TMEM108: variants seen among roughly 807,000 people sequenced by gnomAD.
TMEM108 encodes the protein transmembrane protein 108.
A neutral mutation model predicts 35.1 loss-of-function variants in TMEM108; 12 were observed. The observed-to-expected ratio is 0.34, with a 90% CI of 0.22 to 0.55. The LOEUF (loss-of-function observed/expected upper bound fraction) is 0.55, where lower values mean the gene tolerates loss of function less well. TMEM108 is among the 20% of genes least tolerant of loss of function. The probability of loss-of-function intolerance (pLI) is 0.89; values close to 1 mark genes in which losing one functional copy is unlikely to be tolerated. For missense variants in TMEM108, 680 were observed against 753.3 expected, an observed-to-expected ratio of 0.90 and a Z score of 1.14; for synonymous variants, 287 against 308.6, an observed-to-expected ratio of 0.93 and a Z score of 0.73.
chr3:133,054,449 T>C (rs955388387), intron 2 of TMEM108, among the ~76,000 whole-genome samples: 2 of 152,244 alleles, frequency 1.3e-5, no homozygotes, highest in Admixed American at 6.5e-5. Flanking sequence ...TTTCTAAATG[T>C]TGAAAGACAT....
chr3:133,142,133 G>C (rs548078553), intron 2 of TMEM108, among the ~76,000 whole-genome samples: 1 of 152,140 alleles, frequency 6.6e-6, no homozygotes, highest in Non-Finnish European at 1.5e-5. Context: ...ATTGTCCCCA[G>C]TTAAGAACGG....
chr3:133,265,221 A>T (rs1946680974), intron 3 of TMEM108, among the ~76,000 whole-genome samples: 2 of 152,162 alleles, frequency 1.3e-5, no homozygotes, highest in South Asian at 4.1e-4. Context: ...TCCTTTGGTT[A>T]TGTGTTCTAT....
At chr3:133,066,028 T>G (rs1002639581) in intron 2 of TMEM108, among the ~76,000 whole-genome samples, 23 of 152,226 alleles carry the variant, frequency 1.5e-4, no homozygotes, top group Middle Eastern at 3.2e-3. Flanking sequence ...TTTTGAGGAT[T>G]TTATTGTCAT....
At chr3:133,044,262 G>A (rs1481508606) in intron 1 of TMEM108, among the ~76,000 whole-genome samples, 2 of 152,074 alleles carry the variant, frequency 1.3e-5, no homozygotes, top group African/African-American at 4.8e-5. Flanking sequence ...AGATTTTGGG[G>A]GCATGATTGA....
chr3:133,044,640 C>G (rs1349099891), intron 1 of TMEM108, among the ~76,000 whole-genome samples: 5 of 152,152 alleles, frequency 3.3e-5, no homozygotes, highest in Admixed American at 3.3e-4. Context: ...ATCAAGATGC[C>G]TTGAGGATGC....
At chr3:133,041,362 A>G (rs570643647) in intron 1 of TMEM108, among the ~76,000 whole-genome samples, 6 of 152,192 alleles carry the variant, frequency 3.9e-5, no homozygotes, top group African/African-American at 1.4e-4. Flanking sequence ...CACTTGGCTC[A>G]TGTCACCCCC....
At chr3:133,087,752 C>T (rs1375316689) in intron 2 of TMEM108, among the ~76,000 whole-genome samples, 1 of 152,148 alleles carries the variant, frequency 6.6e-6, no homozygotes, top group East Asian at 1.9e-4. Context: ...CTGTGGCCAT[C>T]TTTCTTCCCT....
chr3:133,083,867 G>A (rs954995250), intron 2 of TMEM108, among the ~76,000 whole-genome samples: 1 of 137,814 alleles, frequency 7.3e-6, no homozygotes, highest in Non-Finnish European at 1.7e-5. Flanking sequence ...GGCTAGTCCT[G>A]AGATAAAGTA....
chr3:133,056,153 T>C (rs968858623), intron 2 of TMEM108, among the ~76,000 whole-genome samples: 1 of 152,214 alleles, frequency 6.6e-6, no homozygotes, highest in Non-Finnish European at 1.5e-5. Flanking sequence ...GGTTCCCACC[T>C]GGCTGCAGGA....
At position 133,192,304 on chromosome 3, in the gene TMEM108, T is replaced by C. The variant is rs561590925; in HGVS notation, c.-46-36962T>C. Among the ~76,000 whole-genome samples the C allele has an allele frequency of 4.6e-5, 7 of 152,262 alleles. No homozygotes were observed. In the East Asian group the frequency reaches 1.3e-3, roughly 29 times the overall value. The stretch of plus-strand genomic sequence containing the variant: ...GTTTACTCCTCTTATTTTGGACACA[T>C]TGAGTAGGAGATTTGAGCAGTACTT... On this transcript the variant is annotated intron_variant, in intron 2 of 5. Transcript: ENST00000321871.
chr3:133,254,777 G>A (rs1946522048), intron 3 of TMEM108, among the ~76,000 whole-genome samples: 1 of 152,182 alleles, frequency 6.6e-6, no homozygotes, highest in Admixed American at 6.5e-5. Flanking sequence ...TGCTCATGGA[G>A]TCTGTGGGTC....
chr3:133,105,773 G>C (rs2107719357), intron 2 of TMEM108, among the ~76,000 whole-genome samples: 1 of 152,298 alleles, frequency 6.6e-6, no homozygotes, highest in South Asian at 2.1e-4. Flanking sequence ...TAGAACTTCA[G>C]TTTTTGAACC....
At chr3:133,282,295 A>G (rs1429553523) in intron 3 of TMEM108, among the ~76,000 whole-genome samples, 1 of 152,202 alleles carries the variant, frequency 6.6e-6, no homozygotes, top group Non-Finnish European at 1.5e-5. Context: ...TTGAGGTAAG[A>G]GAGTAATTAA....
At chr3:133,327,766 G>A (rs1041404840) in intron 3 of TMEM108, among the ~76,000 whole-genome samples, 9 of 151,986 alleles carry the variant, frequency 5.9e-5, no homozygotes, top group South Asian at 2.1e-4. Context: ...GTGGATGGGC[G>A]GCAGGGTCAA....
At chr3:133,097,460 G>T (rs1944029201) in intron 2 of TMEM108, among the ~76,000 whole-genome samples, 1 of 152,140 alleles carries the variant, frequency 6.6e-6, no homozygotes, top group Admixed American at 6.6e-5. Context: ...CCCAACCTGG[G>T]CACGTTTCCC....
At chr3:133,263,387 C>T (rs757922789) in intron 3 of TMEM108, among the ~76,000 whole-genome samples, 8 of 152,134 alleles carry the variant, frequency 5.3e-5, no homozygotes, top group Non-Finnish European at 8.8e-5. Flanking sequence ...CTGTTTGCTA[C>T]GTTTCTATTC....
At chr3:133,228,566 T>C (rs1010569343) in intron 2 of TMEM108, among the ~76,000 whole-genome samples, 2 of 152,072 alleles carry the variant, frequency 1.3e-5, no homozygotes, top group Non-Finnish European at 1.5e-5. Context: ...AATTGTAAAG[T>C]AATAGTAATA....
At chr3:133,370,283 C>G (rs2072620814) in intron 3 of TMEM108, among the ~76,000 whole-genome samples, 1 of 152,124 alleles carries the variant, frequency 6.6e-6, no homozygotes, top group Non-Finnish European at 1.5e-5. Flanking sequence ...GCTTCTGACC[C>G]TTTGCAGTTT....
intron 2 of TMEM108, among the ~76,000 whole-genome samples, chr3:133,168,022 T>C (rs1224144834): frequency 6.6e-6 from 1 of 152,194 alleles, no homozygotes; most frequent in Non-Finnish European, 1.5e-5. Flanking sequence ...TTTGGTATCT[T>C]AGTGCCACAG....
Sources: allele counts gnomAD v4.1 joint callset (sites outside exome capture counted in the v4.1 genomes callset), GRCh38; gene constraint gnomAD v4.1.1; transcripts MANE v1.5; gene names NCBI Gene and HGNC (gene_info 2026-07-23, HGNC 2026-07-21).